PRKCE: variants seen among roughly 807,000 people sequenced by gnomAD.
PRKCE encodes protein kinase C epsilon, also known as protein kinase C epsilon type.
PRKCE carries 16 observed loss-of-function variants against 85.4 expected under a neutral mutation model. The ratio of observed to expected loss-of-function variants is 0.19; its 90% CI spans 0.13 to 0.28. The LOEUF (loss-of-function observed/expected upper bound fraction) is 0.28, where lower values mean the gene tolerates loss of function less well. Ranked by LOEUF, PRKCE falls within the 10% of genes least tolerant of loss-of-function variation. The pLI, the probability that PRKCE is intolerant of heterozygous loss-of-function variation, is 1.00. For missense variants in PRKCE, 573 were observed against 975.2 expected (o/e 0.59, Z 5.49); for synonymous variants, 388 against 371.5 (o/e 1.04, Z -0.51).
At chr2:45,976,737 TAA>T in intron 3 of PRKCE, 149 bp downstream of exon 3, 3 of 1,000,240 alleles carry the variant, frequency 3.0e-6, no homozygotes, top group Non-Finnish European at 4.4e-6. Flanking sequence ...TATGGAAGGC[TAA>T]GTGTGTGTTT....
chr2:46,124,331 AAAAG>A (rs1302602106), intron 11 of PRKCE, among the ~76,000 whole-genome samples: 1 of 152,202 alleles, frequency 6.6e-6, no homozygotes. Context: ...TCTCAAACAA[AAAAG>A]AAAGAGAGAT....
chr2:46,033,988 A>G (rs1558985501), intron 10 of PRKCE, among the ~76,000 whole-genome samples: 2 of 152,218 alleles, frequency 1.3e-5, no homozygotes, highest in Non-Finnish European at 2.9e-5. Flanking sequence ...AGAAAGCCGT[A>G]GGCTTTCTAA....
intron 2 of PRKCE, among the ~76,000 whole-genome samples, chr2:45,923,292 G>C (rs1698387910): frequency 6.6e-6 from 1 of 152,180 alleles, no homozygotes; most frequent in African/African-American, 2.4e-5. Flanking sequence ...AGTTTTGACA[G>C]CTTTCAGATA....
chr2:45,798,683 A>T (rs1687622269), intron 1 of PRKCE, among the ~76,000 whole-genome samples: 1 of 151,992 alleles, frequency 6.6e-6, no homozygotes, highest in African/African-American at 2.4e-5. Context: ...TGTTTTGATC[A>T]GTAATTATTT....
intron 1 of PRKCE, among the ~76,000 whole-genome samples, chr2:45,765,133 C>T (rs1348693739): frequency 1.3e-5 from 2 of 152,186 alleles, no homozygotes; most frequent in African/African-American, 4.8e-5. Flanking sequence ...AAACGCTTTA[C>T]CCTTAATACG....
chr2:45,846,023 C>G (rs1372602203), intron 2 of PRKCE, among the ~76,000 whole-genome samples: 4 of 152,156 alleles, frequency 2.6e-5, no homozygotes, highest in African/African-American at 4.8e-5. Flanking sequence ...CTACATTATA[C>G]CAAGTAGCAA....
chr2:45,728,645 C>T (rs1025429947), intron 1 of PRKCE, among the ~76,000 whole-genome samples: 5 of 152,182 alleles, frequency 3.3e-5, no homozygotes, highest in African/African-American at 7.2e-5. Context: ...CCTTGTTTTA[C>T]AGATGGGGAA....
intron 2 of PRKCE, among the ~76,000 whole-genome samples, chr2:45,872,664 A>G (rs1165297674): frequency 6.6e-6 from 1 of 152,222 alleles, no homozygotes; most frequent in Non-Finnish European, 1.5e-5. Flanking sequence ...CTGACATGCC[A>G]GAAGTGGATT....
intron 2 of PRKCE, among the ~76,000 whole-genome samples, chr2:45,868,470 C>T (rs1466475436): frequency 6.6e-6 from 1 of 151,350 alleles, no homozygotes; most frequent in Non-Finnish European, 1.5e-5. Context: ...GCCACAGGCA[C>T]CTGCCACCAC....
chr2:45,942,947 C>G (rs1474156509), intron 2 of PRKCE, among the ~76,000 whole-genome samples: 2 of 152,176 alleles, frequency 1.3e-5, no homozygotes, highest in African/African-American at 4.8e-5. Context: ...ACCTCTTATT[C>G]TCCACTCCCC....
chr2:45,844,112 A>G (rs182111535), intron 2 of PRKCE, among the ~76,000 whole-genome samples: 1 of 152,358 alleles, frequency 6.6e-6, no homozygotes, highest in Non-Finnish European at 1.5e-5. Flanking sequence ...TTACATATTC[A>G]GTTAGTCAAA....
Position 45,876,088 on chromosome 2 carries a change from T to A in PRKCE, c.412+33025T>A, listed in dbSNP as rs552034519. 3.9e-4 allele frequency among the ~76,000 whole-genome samples: 60 copies of A among 152,354 alleles called. 1 individual carries two copies. The highest frequency in any genetic ancestry group is 3.3e-3 in the South Asian group (16 of 4,830). On this transcript the variant is annotated intron_variant, in intron 2 of 14. Transcript: ENST00000306156. Reference sequence around the variant, plus strand: ...GGAGTGGAGAATAAGAATTCTCATTTCTTTGGACATTACTGAGTACCTGTA... The same window carrying A: ...GGAGTGGAGAATAAGAATTCTCATTACTTTGGACATTACTGAGTACCTGTA...
At chr2:45,758,636 A>G (rs560861287) in intron 1 of PRKCE, among the ~76,000 whole-genome samples, 5 of 152,272 alleles carry the variant, frequency 3.3e-5, no homozygotes, top group African/African-American at 1.2e-4. Flanking sequence ...TTCCTCCCCT[A>G]CTGCCTAACA....
chr2:45,701,116 G>A (rs547184707), intron 1 of PRKCE, among the ~76,000 whole-genome samples: 1 of 152,178 alleles, frequency 6.6e-6, no homozygotes, highest in East Asian at 1.9e-4. Context: ...AGGAAGGAAG[G>A]ACAAAGAAGG....
chr2:45,879,519 A>G (rs1026207165), intron 2 of PRKCE, among the ~76,000 whole-genome samples: 2 of 152,206 alleles, frequency 1.3e-5, no homozygotes. Context: ...CCAGATGGCA[A>G]AGCTAAAAGA....
chr2:46,024,442 C>T (rs186022865), intron 10 of PRKCE, among the ~76,000 whole-genome samples: 219 of 152,226 alleles, frequency 1.4e-3, no homozygotes, highest in African/African-American at 5.0e-3. Flanking sequence ...TCTCTCAGTC[C>T]GCCTCCTTAG....
intron 2 of PRKCE, among the ~76,000 whole-genome samples, chr2:45,967,698 TTC>T (rs1553461800): frequency 6.6e-6 from 1 of 152,182 alleles, no homozygotes; most frequent in African/African-American, 2.4e-5. Context: ...CTCATTTTTT[TTC>T]TTTTTTTCTT....
At chr2:45,913,572 A>C (rs1697535773) in intron 2 of PRKCE, among the ~76,000 whole-genome samples, 2 of 152,200 alleles carry the variant, frequency 1.3e-5, no homozygotes, top group African/African-American at 2.4e-5. Context: ...TACCTTTGAG[A>C]GCTGCTTCAA....
intron 11 of PRKCE, among the ~76,000 whole-genome samples, chr2:46,105,384 G>A (rs1664327685): frequency 6.6e-6 from 1 of 151,378 alleles, no homozygotes; most frequent in South Asian, 2.1e-4. Context: ...TTCACAAAAA[G>A]TGCAAGGTTT....
Sources: allele counts gnomAD v4.1 joint callset (sites outside exome capture counted in the v4.1 genomes callset), GRCh38; gene constraint gnomAD v4.1.1; transcripts MANE v1.5; gene names NCBI Gene and HGNC (gene_info 2026-07-23, HGNC 2026-07-21).